MAML1: variants seen among roughly 807,000 people sequenced by gnomAD.
The protein encoded by MAML1 is mastermind-like protein 1.
In MAML1, 14 loss-of-function variants were observed where a neutral mutation model predicts 77.1. The ratio of observed to expected loss-of-function variants is 0.18; its 90% confidence interval spans 0.12 to 0.28. The LOEUF (loss-of-function observed/expected upper bound fraction) is 0.28. Ranked by LOEUF, MAML1 falls within the 10% of genes least tolerant of loss-of-function variation. The probability of loss-of-function intolerance (pLI) is 1.00; values close to 1 mark genes in which losing one functional copy is unlikely to be tolerated. For missense variants in MAML1, 1,217 were observed against 1,327.8 expected (o/e 0.92, Z 1.30); for synonymous variants, 516 against 551.9 (o/e 0.93, Z 0.91).
chr5:179,748,951 T>C (rs1779434665), intron 1 of MAML1, among the ~76,000 whole-genome samples: 1 of 91,636 alleles, frequency 1.1e-5, no homozygotes, highest in African/African-American at 3.3e-5. Flanking sequence ...GGTGTTTTTG[T>C]TTTTTTTTTT....
intron 1 of MAML1, 23 bp from the exon 2 acceptor site, chr5:179,765,303 T>G: frequency 6.4e-7 from 1 of 1,556,018 alleles, no homozygotes; most frequent in South Asian, 1.2e-5. Context: ...GTATCTTAAG[T>G]CATTCTTTTC....
chr5:179,749,584 T>G (rs1386667377), intron 1 of MAML1, among the ~76,000 whole-genome samples: 2 of 152,174 alleles, frequency 1.3e-5, no homozygotes, highest in Non-Finnish European at 2.9e-5. Flanking sequence ...AAAATTTAAA[T>G]GTCATACTCC....
rs534973733 is a variant in MAML1, at chr5:179,733,005, A to T, written c.-108A>T. 7 of 626,556 alleles carry T rather than the reference A, an allele frequency of 1.1e-5. No homozygotes were observed. The South Asian group carries it at 4.9e-4, about 44-fold the overall frequency. The allele number at this position is 626,556 out of a possible 1,614,324, so 38.8% of individuals were successfully genotyped here. ...AGCCCGCTCCGCTGCCCTCGGGGGC[A>T]TGGCGCGGCCGTGAGGCGGAGAGGG... On this transcript the variant is annotated 5_prime_UTR_variant, in exon 1 of 5. The change abolishes an upstream ATG in the 5' untranslated region. Coordinates refer to ENST00000292599, the MANE Select transcript of MAML1 (RefSeq NM_014757.5).
chr5:179,737,622 A>G (rs1779192558), intron 1 of MAML1, among the ~76,000 whole-genome samples: 1 of 152,338 alleles, frequency 6.6e-6, no homozygotes, highest in East Asian at 1.9e-4. Context: ...ACCCATTTGT[A>G]TGACTGAGAA....
chr5:179,753,047 A>G (rs1357215606), intron 1 of MAML1, among the ~76,000 whole-genome samples: 1 of 152,234 alleles, frequency 6.6e-6, no homozygotes, highest in Non-Finnish European at 1.5e-5. Context: ...TGCTGGGATT[A>G]CAGGCGTGAA....
Position 179,777,104 on chromosome 5 carries a change from A to G in MAML1, c.*2227A>G. 3 of 985,674 alleles carry G rather than the reference A, an allele frequency of 3.0e-6. No homozygotes were observed. The highest frequency in any genetic ancestry group is 3.6e-6 in the Non-Finnish European group (3 of 829,762). The allele number at this position is 985,674 out of a possible 1,614,324, so 61.1% of individuals were successfully genotyped here. A position where few individuals can be genotyped will look rare whatever the true frequency, so the allele number is the denominator to read the frequency against. ...TTTATATGTGTGTTTTGGGGGAGCTATGATAAGTTTTATGGCAAACGGTTG... is the reference window on the plus strand; with the variant it reads ...TTTATATGTGTGTTTTGGGGGAGCTGTGATAAGTTTTATGGCAAACGGTTG... On this transcript the variant is annotated 3_prime_UTR_variant, in exon 5 of 5. Transcript: ENST00000292599.
At chr5:179,760,873 C>T (rs1779710772) in intron 1 of MAML1, among the ~76,000 whole-genome samples, 1 of 152,036 alleles carries the variant, frequency 6.6e-6, no homozygotes, top group Non-Finnish European at 1.5e-5. Context: ...GGGCAGATCA[C>T]AAGGTCAGGA....
Position 179,768,884 on chromosome 5 carries a change from A to G in MAML1, c.1766A>G (p.Gln589Arg). The G allele has an allele frequency of 6.2e-7, 1 of 1,614,170 alleles. No homozygotes were observed. The highest frequency in any genetic ancestry group is 8.5e-7 in the Non-Finnish European group (1 of 1,180,028). ...CCTTCCAGTGTCCCTGTGCAAGCCC[A>G]GGCTACCAGTGTTGGGACCCAGCCG... ...QNPSSVPVQA[Q>R]ATSVGTQPPA... is the part of the protein sequence containing the mutation. The change falls in exon 3 of 5, where the codon CAG (glutamine) becomes CGG (arginine). Residue 589 changes from glutamine to arginine, a missense_variant. Around this residue, in one of 3 missense-constraint regions of MAML1, gnomAD observed 884 missense variants for 949.3 expected, o/e 0.93. Transcript: ENST00000292599.
At chr5:179,738,188 TTCTC>T (rs1222265255) in intron 1 of MAML1, among the ~76,000 whole-genome samples, 3 of 152,026 alleles carry the variant, frequency 2.0e-5, no homozygotes, top group Non-Finnish European at 2.9e-5. Flanking sequence ...CATTTGCACA[TTCTC>T]TCTCTCCCAC....
At chr5:179,744,392 G>A (rs1581926471) in intron 1 of MAML1, among the ~76,000 whole-genome samples, 2 of 152,116 alleles carry the variant, frequency 1.3e-5, no homozygotes, top group East Asian at 1.9e-4. Flanking sequence ...TCACAATGTT[G>A]GCCAGGCTGG....
intron 1 of MAML1, among the ~76,000 whole-genome samples, chr5:179,759,060 G>C (rs894578241): frequency 6.6e-6 from 1 of 152,138 alleles, no homozygotes; most frequent in African/African-American, 2.4e-5. Flanking sequence ...TCACAGCACA[G>C]TTCATTTTTC....
In MAML1 at chr5:179,774,793, C is replaced by T; in HGVS notation, c.2967C>T (p.His989=). The change falls in exon 5 of 5, where the codon CAC becomes CAT. Residue 989 remains histidine, a synonymous_variant. Coordinates refer to ENST00000292599, the MANE Select transcript of MAML1 (RefSeq NM_014757.5). ...GTGGGCTCTCTAGTGTGGCTGGACACACCGATCTGATCGACTCCCTGCTGA... is the reference window on the plus strand; with the variant it reads ...GTGGGCTCTCTAGTGTGGCTGGACATACCGATCTGATCGACTCCCTGCTGA... The part of the protein sequence containing the change: ...GGSGLSSVAG[H]TDLIDSLLKN... The T allele has an allele frequency of 6.2e-7, 1 of 1,613,954 alleles. No individual in the cohort carries two copies. Among genetic ancestry groups the T allele is most frequent in the Non-Finnish European group, 8.5e-7 (1 of 1,180,042 alleles).
chr5:179,733,008 G>T lies in MAML1; in HGVS notation c.-105G>T, dbSNP rs1243815086. On this transcript the variant is annotated 5_prime_UTR_variant, in exon 1 of 5. Coordinates refer to ENST00000292599, the MANE Select transcript of MAML1 (RefSeq NM_014757.5). ...CCGCTCCGCTGCCCTCGGGGGCATG[G>T]CGCGGCCGTGAGGCGGAGAGGGGTA... The T allele has an allele frequency of 4.5e-6, 3 of 669,910 alleles. No homozygotes were observed. The highest frequency in any genetic ancestry group is 4.8e-5 in the Admixed American group (1 of 20,926). The allele number at this position is 669,910 out of a possible 1,614,324, so 41.5% of individuals were successfully genotyped here.
chr5:179,757,765 A>G (rs1400243401), intron 1 of MAML1, among the ~76,000 whole-genome samples: 1 of 152,232 alleles, frequency 6.6e-6, no homozygotes, highest in African/African-American at 2.4e-5. Flanking sequence ...TCTCTAGTGA[A>G]GAGAATATAC....
At chr5:179,737,395 G>A (rs1195200741) in intron 1 of MAML1, among the ~76,000 whole-genome samples, 1 of 152,152 alleles carries the variant, frequency 6.6e-6, no homozygotes, top group Admixed American at 6.6e-5. Flanking sequence ...AATTCAGGGG[G>A]GAAGAGAGTC....
chr5:179,774,700 C>G lies in MAML1; in HGVS notation c.2874C>G (p.Thr958=). 1 of 1,610,532 alleles carries G rather than the reference C, an allele frequency of 6.2e-7. No individual in the cohort carries two copies. Among genetic ancestry groups the G allele is most frequent in the South Asian group, 1.1e-5 (1 of 91,074 alleles). ...QMGGRAGLHC[T]QAYPVRTAGQ... is the part of the protein sequence containing the mutation. ...GCGGTCGGGCGGGGCTGCACTGCAC[C>G]CAGGCCTACCCTGTGCGGACCGCGG... The change falls in exon 5 of 5, where the codon ACC becomes ACG. Residue 958 remains threonine (T), a synonymous_variant. Transcript: ENST00000292599.
intron 1 of MAML1, among the ~76,000 whole-genome samples, chr5:179,761,578 C>T (rs907032035): frequency 1.1e-4 from 17 of 152,182 alleles, no homozygotes; most frequent in South Asian, 8.3e-4. Flanking sequence ...GCCTGTAATC[C>T]CCGCTGCTCG....
chr5:179,765,267 A>T, intron 1 of MAML1, 59 bp from the exon 2 acceptor site: 3 of 1,435,102 alleles, frequency 2.1e-6, no homozygotes, highest in Non-Finnish European at 2.8e-6. Context: ...TTGGCTTGTT[A>T]CTGTCATAGC....
chr5:179,760,982 T>C (rs1779715309), intron 1 of MAML1, among the ~76,000 whole-genome samples: 1 of 151,998 alleles, frequency 6.6e-6, no homozygotes, highest in South Asian at 2.1e-4. Context: ...GTAGTCCAGC[T>C]ACTTGGGAGG....
Sources: allele counts gnomAD v4.1 joint callset (sites outside exome capture counted in the v4.1 genomes callset), GRCh38; gene constraint gnomAD v4.1.1; regional missense constraint gnomAD v4.1.1; transcripts MANE v1.5; gene names NCBI Gene and HGNC (gene_info 2026-07-23, HGNC 2026-07-21).